Variants in BCKDHB observed in about 807,000 individuals in gnomAD.
BCKDHB encodes the protein branched chain keto acid dehydrogenase E1 subunit beta, also known as 2-oxoisovalerate dehydrogenase subunit beta, mitochondrial.
Under a neutral mutation model 48.5 loss-of-function variants are expected in BCKDHB, and 41 were observed. That is an observed-to-expected ratio of 0.85 (90% confidence interval 0.66 to 1.10). BCKDHB has a LOEUF of 1.10. BCKDHB is among the 50% of genes least tolerant of loss of function. BCKDHB has a pLI of 0.00. For missense variants in BCKDHB, 496 were observed against 494.2 expected (o/e 1.00, Z -0.03); for synonymous variants, 201 against 174.8 (o/e 1.15, Z -1.18).
chr6:80,139,066 T>G (rs1771045856), intron 3 of BCKDHB, among the ~76,000 whole-genome samples: 1 of 152,244 alleles, frequency 6.6e-6, no homozygotes, highest in Non-Finnish European at 1.5e-5. Context: ...ATGGTGAGCA[T>G]TTTTTCATGT....
At chr6:80,145,061 C>G (rs1476056696) in intron 3 of BCKDHB, among the ~76,000 whole-genome samples, 1 of 152,118 alleles carries the variant, frequency 6.6e-6, no homozygotes, top group African/African-American at 2.4e-5. Flanking sequence ...TCAGTTTTAT[C>G]TTTGTAGATC....
chr6:80,382,574 A>C, the BCKDHB span, among the ~76,000 whole-genome samples: 1 of 152,162 alleles, frequency 6.6e-6, no homozygotes, highest in Non-Finnish European at 1.5e-5. Context: ...TTTGTGCCCT[A>C]ACCTGCACCT....
intron 8 of BCKDHB, among the ~76,000 whole-genome samples, chr6:80,232,078 A>T (rs988559503): frequency 6.6e-6 from 1 of 152,240 alleles, no homozygotes. Context: ...TCATTACAGC[A>T]TAATCTTTTG....
chr6:80,453,844 G>C, the BCKDHB span, among the ~76,000 whole-genome samples: 1 of 151,992 alleles, frequency 6.6e-6, no homozygotes. Context: ...TTAGGTATTC[G>C]GCAAGTTTCT....
At chr6:80,293,993 A>T (rs1317627917) in intron 9 of BCKDHB, among the ~76,000 whole-genome samples, 1 of 152,208 alleles carries the variant, frequency 6.6e-6, no homozygotes, top group East Asian at 1.9e-4. Context: ...GGTCAAAGCC[A>T]TTCAACAAGT....
At chr6:80,236,152 A>T (rs1251858990) in intron 8 of BCKDHB, among the ~76,000 whole-genome samples, 3 of 137,318 alleles carry the variant, frequency 2.2e-5, no homozygotes, top group Non-Finnish European at 3.1e-5. Flanking sequence ...ATAAAATATC[A>T]GACTGTGAAT....
intron 8 of BCKDHB, among the ~76,000 whole-genome samples, chr6:80,264,109 C>T (rs1777413272): frequency 6.6e-6 from 1 of 152,116 alleles, no homozygotes; most frequent in South Asian, 2.1e-4. Context: ...CAGTATCATG[C>T]CTTTCCTTGT....
At chr6:80,281,195 A>G (rs1157156989) in intron 9 of BCKDHB, among the ~76,000 whole-genome samples, 1 of 152,106 alleles carries the variant, frequency 6.6e-6, no homozygotes, top group Non-Finnish European at 1.5e-5. Flanking sequence ...TCATGGGTAT[A>G]GATAGGGTCA....
At chr6:80,150,817 A>G (rs1272673682) in intron 3 of BCKDHB, among the ~76,000 whole-genome samples, 2 of 152,118 alleles carry the variant, frequency 1.3e-5, no homozygotes, top group Admixed American at 1.3e-4. Flanking sequence ...TTAGCCTCCC[A>G]AAGTGCTAGG....
At chr6:80,252,657 G>C (rs915557352) in intron 8 of BCKDHB, among the ~76,000 whole-genome samples, 4 of 152,056 alleles carry the variant, frequency 2.6e-5, no homozygotes, top group African/African-American at 9.7e-5. Flanking sequence ...ACTTATCCTT[G>C]AAAGGATAAT....
intron 8 of BCKDHB, among the ~76,000 whole-genome samples, chr6:80,212,241 T>G (rs1282914966): frequency 1.3e-5 from 2 of 152,248 alleles, no homozygotes; most frequent in East Asian, 3.9e-4. Flanking sequence ...CTGAGGGTAC[T>G]GCAGGAGACC....
At chr6:80,295,670 T>C (rs1462763762) in intron 9 of BCKDHB, among the ~76,000 whole-genome samples, 1 of 151,648 alleles carries the variant, frequency 6.6e-6, no homozygotes. Flanking sequence ...AATAAGTATA[T>C]TGTCATAAGT....
chr6:80,220,375 TCTATAGATTATCTCTG>T (rs1775378023), intron 8 of BCKDHB, among the ~76,000 whole-genome samples: 1 of 148,006 alleles, frequency 6.8e-6, no homozygotes, highest in Admixed American at 6.8e-5. Context: ...CAAGTTATGT[TCTATAGATTATCTCTG>T]TTTCTTTAGT....
At chr6:80,400,776 G>A in the BCKDHB span, among the ~76,000 whole-genome samples, 2 of 152,014 alleles carry the variant, frequency 1.3e-5, no homozygotes, top group African/African-American at 2.4e-5. Flanking sequence ...TATGTTGATT[G>A]CAGCGCTATT....
chr6:80,171,304 T>G lies in BCKDHB; in HGVS notation c.656T>G (p.Phe219Cys). 6.2e-7 allele frequency: 1 copy of G among 1,608,724 alleles called. No individual in the cohort carries two copies. The highest frequency in any genetic ancestry group is 1.1e-5 in the South Asian group (1 of 90,286). Residue 219 changes from phenylalanine (F) to cysteine (C), a missense_variant, in exon 6 of 10, where the codon TTC (phenylalanine) becomes TGC (cysteine). Phe to Cys is a radical substitution (Grantham distance 205). Transcript: ENST00000320393. ...CAGGTGGTTATACCCAGAAGCCCTT[T>G]CCAGGCCAAAGGACTTCTTTTGTCA... is the stretch of plus-strand genomic sequence containing the variant. ...GIKVVIPRSP[F>C]QAKGLLLSCI...
intron 3 of BCKDHB, among the ~76,000 whole-genome samples, chr6:80,151,841 TTGG>T (rs1771798531): frequency 6.6e-6 from 1 of 152,222 alleles, no homozygotes; most frequent in African/African-American, 2.4e-5. Flanking sequence ...AATGTCCTCC[TTGG>T]TGAATGACGC....
At chr6:80,462,976 C>G in the BCKDHB span, 1 of 152,158 alleles carries the variant, frequency 6.6e-6, no homozygotes, top group Non-Finnish European at 1.5e-5. Context: ...TGGAGCTTGT[C>G]AAACACAGAG....
the BCKDHB span, among the ~76,000 whole-genome samples, chr6:80,424,527 T>C: frequency 6.6e-6 from 1 of 152,212 alleles, no homozygotes; most frequent in African/African-American, 2.4e-5. Context: ...TTGCATCCAA[T>C]TTTATAAATA....
At chr6:80,116,581 A>G (rs1769715639) in intron 1 of BCKDHB, among the ~76,000 whole-genome samples, 1 of 152,208 alleles carries the variant, frequency 6.6e-6, no homozygotes, top group Non-Finnish European at 1.5e-5. Context: ...AGTGCTGATG[A>G]CCTGCATATT....
Sources: allele counts gnomAD v4.1 joint callset (sites outside exome capture counted in the v4.1 genomes callset), GRCh38; gene constraint gnomAD v4.1.1; transcripts MANE v1.5; gene names NCBI Gene and HGNC (gene_info 2026-07-23, HGNC 2026-07-21).